Variants in NOX4 observed in about 807,000 individuals in gnomAD.
NOX4 encodes the protein kidney oxidase-1.
NOX4 carries 69 observed loss-of-function variants against 87.6 expected under a neutral mutation model. That is an observed-to-expected ratio of 0.79 (90% confidence interval 0.65 to 0.96). The LOEUF (loss-of-function observed/expected upper bound fraction) is 0.96. NOX4 is among the 40% of genes least tolerant of loss of function. NOX4 has a pLI of 0.00. For missense variants in NOX4, 680 were observed against 681.5 expected (o/e 1.00, Z 0.02); for synonymous variants, 275 against 238.2 (o/e 1.15, Z -1.42).
intron 12 of NOX4, among the ~76,000 whole-genome samples, chr11:89,358,534 TAA>T (rs1419289709): frequency 4.6e-5 from 7 of 151,588 alleles, no homozygotes; most frequent in Non-Finnish European, 1.0e-4. Flanking sequence ...TGTGAACAAT[TAA>T]TTTTATCTTA....
chr11:89,362,731 A>T (rs1304133710), intron 12 of NOX4, among the ~76,000 whole-genome samples: 3 of 151,888 alleles, frequency 2.0e-5, no homozygotes, highest in African/African-American at 4.8e-5. Flanking sequence ...ATTCATTCAT[A>T]CTCCCCATAT....
chr11:89,527,012 A>T, the NOX4 span, among the ~76,000 whole-genome samples: 1 of 152,196 alleles, frequency 6.6e-6, no homozygotes, highest in Non-Finnish European at 1.5e-5. Flanking sequence ...TATGACAATG[A>T]TGTCCAGACT....
chr11:89,471,169 A>G (rs1302478276), intron 2 of NOX4, among the ~76,000 whole-genome samples: 1 of 152,056 alleles, frequency 6.6e-6, no homozygotes, highest in Non-Finnish European at 1.5e-5. Flanking sequence ...CTTTCACCAT[A>G]TCTCTCCTAG....
At chr11:89,571,996 G>T in the NOX4 span, among the ~76,000 whole-genome samples, 1 of 152,182 alleles carries the variant, frequency 6.6e-6, no homozygotes, top group Admixed American at 6.5e-5. Flanking sequence ...GTATTCAGTG[G>T]AAGGCTGATC....
upstream of NOX4, among the ~76,000 whole-genome samples, chr11:89,494,483 T>G (rs1946926087): frequency 6.6e-6 from 1 of 152,200 alleles, no homozygotes; most frequent in Admixed American, 6.5e-5. Context: ...CCTACTCAAC[T>G]GAACTTCTTA....
At chr11:89,516,496 C>G in the NOX4 span, among the ~76,000 whole-genome samples, 1 of 151,912 alleles carries the variant, frequency 6.6e-6, no homozygotes, top group Non-Finnish European at 1.5e-5. Flanking sequence ...TTTTAAATCT[C>G]AAGATAAGAT....
chr11:89,455,578 A>C (rs567341980), intron 2 of NOX4, among the ~76,000 whole-genome samples: 1 of 152,192 alleles, frequency 6.6e-6, no homozygotes, highest in African/African-American at 2.4e-5. Flanking sequence ...AGTTTGTTCA[A>C]ATATTTACAA....
intron 11 of NOX4, among the ~76,000 whole-genome samples, chr11:89,394,327 T>C (rs1435662562): frequency 7.1e-6 from 1 of 140,832 alleles, no homozygotes; most frequent in Admixed American, 7.1e-5. Flanking sequence ...TCTCTACTTT[T>C]GTTTATGTTG....
chr11:89,534,883 C>T, the NOX4 span, among the ~76,000 whole-genome samples: 1 of 152,190 alleles, frequency 6.6e-6, no homozygotes, highest in East Asian at 1.9e-4. Flanking sequence ...GGGCTGTTTA[C>T]ATTGTGACTG....
chr11:89,488,990 GT>G (rs1946739090), intron 2 of NOX4: 2 of 702,528 alleles, frequency 2.8e-6, no homozygotes, highest in Admixed American at 2.0e-5. Flanking sequence ...TTTCAAGACA[GT>G]TCCTGGATTG....
chr11:89,350,832 CCTT>C (rs1427487793), intron 13 of NOX4, among the ~76,000 whole-genome samples: 2 of 152,172 alleles, frequency 1.3e-5, no homozygotes, highest in African/African-American at 4.8e-5. Flanking sequence ...AACCATTTCT[CCTT>C]CTTATTCCCT....
chr11:89,522,903 T>TAG, the NOX4 span, among the ~76,000 whole-genome samples: 155 of 152,256 alleles, frequency 1.0e-3, no homozygotes, highest in African/African-American at 3.4e-3. Context: ...GGACTCACGG[T>TAG]AGAGAGGTCT....
upstream of NOX4, among the ~76,000 whole-genome samples, chr11:89,492,923 C>T (rs989990801): frequency 2.6e-5 from 4 of 152,182 alleles, no homozygotes; most frequent in African/African-American, 9.7e-5. Context: ...AGCTTAGAGA[C>T]TTTCAGAACA....
intron 12 of NOX4, among the ~76,000 whole-genome samples, chr11:89,356,048 C>A (rs767750178): frequency 6.6e-6 from 1 of 151,908 alleles, no homozygotes; most frequent in Non-Finnish European, 1.5e-5. Flanking sequence ...ATAAAATCTC[C>A]GCAGATTGCA....
the NOX4 span, among the ~76,000 whole-genome samples, chr11:89,581,352 A>T: frequency 6.6e-6 from 1 of 152,204 alleles, no homozygotes. Flanking sequence ...TTTGTCCTCT[A>T]GACTGTGAGA....
At chr11:89,571,375 C>A in the NOX4 span, among the ~76,000 whole-genome samples, 1 of 151,628 alleles carries the variant, frequency 6.6e-6, no homozygotes, top group African/African-American at 2.4e-5. Flanking sequence ...CGACTCACTC[C>A]AACCTCCGCC....
At chr11:89,443,923 C>G (rs1472126903) in intron 5 of NOX4, 1 of 504,926 alleles carries the variant, frequency 2.0e-6, no homozygotes, top group Non-Finnish European at 3.6e-6. Context: ...AAAAAGTAGA[C>G]ATTCTACCAA....
intron 2 of NOX4, among the ~76,000 whole-genome samples, chr11:89,478,924 G>A (rs778281871): frequency 6.6e-6 from 1 of 151,754 alleles, no homozygotes; most frequent in Non-Finnish European, 1.5e-5. Context: ...AGGAGTTTAA[G>A]GCTGTAGTGC....
At chr11:89,530,237 T>A in the NOX4 span, among the ~76,000 whole-genome samples, 1 of 151,142 alleles carries the variant, frequency 6.6e-6, no homozygotes, top group African/African-American at 2.4e-5. Flanking sequence ...ATACTAGATG[T>A]CTTCAGAGTA....
Sources: allele counts gnomAD v4.1 joint callset (sites outside exome capture counted in the v4.1 genomes callset), GRCh38; gene constraint gnomAD v4.1.1; transcripts MANE v1.5; gene names NCBI Gene and HGNC (gene_info 2026-07-23, HGNC 2026-07-21).